JAKMIP1: variants seen among roughly 807,000 people sequenced by gnomAD.
The protein encoded by JAKMIP1 is janus kinase and microtubule-interacting protein 1.
JAKMIP1 carries 33 observed loss-of-function variants against 113.0 expected under a neutral mutation model. The ratio of observed to expected loss-of-function variants is 0.29; its 90% CI spans 0.22 to 0.39. The LOEUF is 0.39. Among genes scored for constraint, JAKMIP1 ranks in the 10% least tolerant of loss-of-function variants. JAKMIP1 has a pLI of 1.00. For synonymous variants in JAKMIP1, 480 were observed against 459.9 expected (o/e 1.04, Z -0.56); for missense variants, 813 against 1,080.5 (o/e 0.75, Z 3.47).
At chr4:6,122,474 G>A (rs1270852222) in intron 1 of JAKMIP1, among the ~76,000 whole-genome samples, 1 of 152,196 alleles carries the variant, frequency 6.6e-6, no homozygotes, top group African/African-American at 2.4e-5. Context: ...CTACAAAGAC[G>A]CTGCATTGCA....
intron 3 of JAKMIP1, among the ~76,000 whole-genome samples, chr4:6,105,230 A>T (rs1053509276): frequency 1.3e-5 from 2 of 152,240 alleles, no homozygotes; most frequent in African/African-American, 2.4e-5. Context: ...ATCACGAGGC[A>T]TTTGCAACAA....
chr4:6,153,195 A>G lies in JAKMIP1; in HGVS notation c.-147-40198T>C, dbSNP rs7675271. Among the ~76,000 whole-genome samples, 37,182 of 152,088 alleles carry G rather than the reference A, an allele frequency of 0.24. 5,544 individuals are homozygous for G. Among genetic ancestry groups the G allele is most frequent in the African/African-American group, 0.41 (17,116 of 41,448 alleles). The stretch of plus-strand genomic sequence containing the variant: ...CCTGGCATCCAGCTCACCAGAGGCC[A>G]ACACCTGCTCACCATTCGACAGCAC... On this transcript the variant is annotated intron_variant, in intron 1 of 20. Transcript: ENST00000409021. The surrounding 1 kb of genome is among the most constrained non-coding windows in gnomAD (Gnocchi z 4.9).
chr4:6,081,858 T>G lies in JAKMIP1; in HGVS notation c.955-103A>C. 3 of 1,312,322 alleles carry G rather than the reference T, an allele frequency of 2.3e-6. No individual in the cohort carries two copies. Among genetic ancestry groups the G allele is most frequent in the Non-Finnish European group, 3.2e-6 (3 of 935,488 alleles). 81.3% of individuals were successfully genotyped at this position (1,312,322 alleles called of 1,614,324 possible). ...GACTCAACCCAGTTAGGACCCCTTC[T>G]GAGGCCAGTGTCCTGGATGACACAT... On this transcript the variant is annotated intron_variant, in intron 5 of 20. Coordinates refer to ENST00000409021, the MANE Select transcript of JAKMIP1 (RefSeq NM_001099433.2). The surrounding 1 kb of genome is among the most constrained non-coding windows in gnomAD (Gnocchi z 4.6).
In JAKMIP1 at chr4:6,081,276, T is replaced by C. The variant is rs768562113; in HGVS notation, c.1101+333A>G. On this transcript the variant is annotated intron_variant, in intron 6 of 20. Transcript: ENST00000409021. This position sits in a 1 kb window ranked among gnomAD's most constrained non-coding sequence, Gnocchi z 4.6. ...CTGGGCCCGTTCCCTGTGAGGTCTT[T>C]ACATGCTGTTATTTCATCCTCTTGA... Among the ~76,000 whole-genome samples the C allele has an allele frequency of 6.6e-6, 1 of 152,262 alleles. No homozygotes were observed. Among genetic ancestry groups the C allele is most frequent in the Non-Finnish European group, 1.5e-5 (1 of 68,048 alleles).
intron 1 of JAKMIP1, among the ~76,000 whole-genome samples, chr4:6,147,431 T>C (rs1252674978): frequency 6.6e-6 from 1 of 152,154 alleles, no homozygotes; most frequent in Non-Finnish European, 1.5e-5. Context: ...GGCAATGGCC[T>C]GGTGAATTAA....
rs1726263381 is a variant in JAKMIP1, at chr4:6,183,380, G to A, written c.-148+16873C>T. Among the ~76,000 whole-genome samples the A allele has an allele frequency of 6.6e-6, 1 of 151,836 alleles. No homozygotes were observed. The highest frequency in any genetic ancestry group is 2.4e-5 in the African/African-American group (1 of 41,302). ...TGTAATACCAACTACTTGGGAGGCC[G>A]AGGCAGGAGAGTCGCTTGAACCTGG... On this transcript the variant is annotated intron_variant, in intron 1 of 20. Transcript: ENST00000409021. The surrounding 1 kb of genome is among the most constrained non-coding windows in gnomAD (Gnocchi z 5.3).
Position 6,140,095 on chromosome 4 carries a change from A to G in JAKMIP1, c.-147-27098T>C, listed in dbSNP as rs959163132. 1.3e-5 allele frequency among the ~76,000 whole-genome samples: 2 copies of G among 152,124 alleles called. No homozygotes were observed. The stretch of plus-strand genomic sequence containing the variant: ...ACGAATATATTTATTAGATGGATTG[A>G]GATGTACTGAGAATAGCTATGAACT... On this transcript the variant is annotated intron_variant, in intron 1 of 20. Transcript: ENST00000409021. This position sits in a 1 kb window ranked among gnomAD's most constrained non-coding sequence, Gnocchi z 9.4.
Position 6,187,187 on chromosome 4 carries a change from G to T in JAKMIP1, c.-148+13066C>A, listed in dbSNP as rs1726742646. Among the ~76,000 whole-genome samples, 2 of 152,090 alleles carry T rather than the reference G, an allele frequency of 1.3e-5. No individual in the cohort carries two copies. ...GTGCTCTGTTGTTAGGTGCAAATAT[G>T]TTTATAATTGTTATATATTTCTGAT... On this transcript the variant is annotated intron_variant, in intron 1 of 20. Coordinates refer to ENST00000409021, the MANE Select transcript of JAKMIP1 (RefSeq NM_001099433.2). The surrounding 1 kb of genome is among the most constrained non-coding windows in gnomAD (Gnocchi z 4.2).
rs1400507970 is a variant in JAKMIP1 at position 6,044,005 on chromosome 4, C to A, written c.2029-1778G>T. 6.6e-6 allele frequency among the ~76,000 whole-genome samples: 1 copy of A among 152,058 alleles called. No homozygotes were observed. The highest frequency in any genetic ancestry group is 2.4e-5 in the African/African-American group (1 of 41,420). The stretch of plus-strand genomic sequence containing the variant: ...CCAGCCTTTCCATGTGCTGTCCCTA[C>A]CTCTCCTGGCCCCAGCCTCAGCCCC... On this transcript the variant is annotated intron_variant, in intron 16 of 20. Coordinates refer to ENST00000409021, the MANE Select transcript of JAKMIP1 (RefSeq NM_001099433.2). The surrounding 1 kb of genome is among the most constrained non-coding windows in gnomAD (Gnocchi z 4.4).
Position 6,158,428 on chromosome 4 carries a change from T to C in JAKMIP1, c.-148+41825A>G, listed in dbSNP as rs1450962127. Among the ~76,000 whole-genome samples the C allele has an allele frequency of 6.6e-6, 1 of 152,190 alleles. No homozygotes were observed. Among genetic ancestry groups the C allele is most frequent in the Non-Finnish European group, 1.5e-5 (1 of 68,036 alleles). ...GCTTCCAGAGGCAGGACCCCTGCGA[T>C]GTTCACCTGGCCACCCACAGCACAG... On this transcript the variant is annotated intron_variant, in intron 1 of 20. Transcript: ENST00000409021. The surrounding 1 kb of genome is among the most constrained non-coding windows in gnomAD (Gnocchi z 5.3).
intron 20 of JAKMIP1, among the ~76,000 whole-genome samples, chr4:6,028,454 G>A (rs1560617681): frequency 6.6e-6 from 1 of 152,222 alleles, no homozygotes; most frequent in Non-Finnish European, 1.5e-5. Context: ...GCATGGAGCC[G>A]ACTGTCATGA....
rs558991275 is a variant in JAKMIP1 at position 6,199,212 on chromosome 4, A to G, written c.-148+1041T>C. ...GGGCGGCGGAGGAGGGCTGGCGGTT[A>G]GATACAGTATCGCTGGAGCTCAGAG... On this transcript the variant is annotated intron_variant, in intron 1 of 20. Transcript: ENST00000409021. This position sits in a 1 kb window ranked among gnomAD's most constrained non-coding sequence, Gnocchi z 5.6. Among the ~76,000 whole-genome samples the G allele has an allele frequency of 3.9e-5, 6 of 152,338 alleles. No individual in the cohort carries two copies. Among genetic ancestry groups the G allele is most frequent in the Admixed American group, 2.6e-4 (4 of 15,304 alleles).
chr4:6,073,902 G>A (rs1315323044), intron 8 of JAKMIP1, among the ~76,000 whole-genome samples: 1 of 152,226 alleles, frequency 6.6e-6, no homozygotes, highest in African/African-American at 2.4e-5. Flanking sequence ...ACTCTGTGAT[G>A]ATACAGCTTC....
chr4:6,099,624 G>A lies in JAKMIP1; in HGVS notation c.624+5849C>T, dbSNP rs1008449178. ...TGTTTTGAATACACTGAGAAAAAGA[G>A]ATCGTCTCAGACATTGACTCTCCTT... On this transcript the variant is annotated intron_variant, in intron 3 of 20. Transcript: ENST00000409021. Among the ~76,000 whole-genome samples, 7 of 152,246 alleles carry A rather than the reference G, an allele frequency of 4.6e-5. No individual in the cohort carries two copies. The South Asian group carries it at 1.5e-3, about 32-fold the overall frequency.
In JAKMIP1 at chr4:6,108,699, A is replaced by T. The variant is rs549466799; in HGVS notation, c.130-2732T>A. On this transcript the variant is annotated intron_variant, in intron 2 of 20. Coordinates refer to ENST00000409021, the MANE Select transcript of JAKMIP1 (RefSeq NM_001099433.2). This position sits in a 1 kb window ranked among gnomAD's most constrained non-coding sequence, Gnocchi z 5.6. ...TAAATCTCATGGGTACCAGTTCACT[A>T]CTCTGAAACCATCATACATGTATAG... Among the ~76,000 whole-genome samples, 1 of 152,120 alleles carries T rather than the reference A, an allele frequency of 6.6e-6. No individual in the cohort carries two copies. Among genetic ancestry groups the T allele is most frequent in the African/African-American group, 2.4e-5 (1 of 41,412 alleles).
At chr4:6,033,867 A>C (rs1249428780) in intron 19 of JAKMIP1, among the ~76,000 whole-genome samples, 1 of 152,250 alleles carries the variant, frequency 6.6e-6, no homozygotes. Flanking sequence ...GATAGCAACT[A>C]GCAAAGAATC....
rs371092501 is a variant in JAKMIP1, at chr4:6,159,289, T to A, written c.-148+40964A>T. On this transcript the variant is annotated intron_variant, in intron 1 of 20. Transcript: ENST00000409021. The stretch of plus-strand genomic sequence containing the variant: ...ACAAACAGAGAAACCACAAATCTGC[T>A]AAAAAAAAAATACTTAAAGACTCTG... Among the ~76,000 whole-genome samples the A allele has an allele frequency of 2.3e-4, 35 of 149,744 alleles. No homozygotes were observed. In the East Asian group the frequency reaches 6.5e-3, roughly 28 times the overall value.
rs1277624752 is a variant in JAKMIP1 at position 6,158,107 on chromosome 4, T to G, written c.-148+42146A>C. 6.6e-6 allele frequency among the ~76,000 whole-genome samples: 1 copy of G among 152,190 alleles called. No individual in the cohort carries two copies. Among genetic ancestry groups the G allele is most frequent in the Non-Finnish European group, 1.5e-5 (1 of 68,018 alleles). ...TGTGAGACGCTGGTCAAGTTACTCC[T>G]GCTCTCTCTACCTCCTCTCCTGACC... On this transcript the variant is annotated intron_variant, in intron 1 of 20. Coordinates refer to ENST00000409021, the MANE Select transcript of JAKMIP1 (RefSeq NM_001099433.2). The surrounding 1 kb of genome is among the most constrained non-coding windows in gnomAD (Gnocchi z 5.3).
rs1578493638 is a variant in JAKMIP1 at position 6,183,137 on chromosome 4, T to A, written c.-148+17116A>T. Among the ~76,000 whole-genome samples the A allele has an allele frequency of 1.3e-5, 2 of 152,300 alleles. No individual in the cohort carries two copies. Among genetic ancestry groups the A allele is most frequent in the African/African-American group, 2.4e-5 (1 of 41,568 alleles). On this transcript the variant is annotated intron_variant, in intron 1 of 20. Coordinates refer to ENST00000409021, the MANE Select transcript of JAKMIP1 (RefSeq NM_001099433.2). The surrounding 1 kb of genome is among the most constrained non-coding windows in gnomAD (Gnocchi z 5.3). ...GGCAGATAACAATACCACAGATATC[T>A]AGACACACAGATACAGGTGCCCTGC...
Sources: gnomAD v4.1 joint callset for allele counts (sites outside exome capture counted in the v4.1 genomes callset) on GRCh38, gnomAD v4.1.1 for gene constraint, Gnocchi (gnomAD v3.1) non-coding constraint, MANE v1.5 for transcripts, NCBI Gene and HGNC (gene_info 2026-07-23, HGNC 2026-07-21) for gene names.